The following TYW1 variants were observed in gnomAD, a reference collection of about 807,000 sequenced individuals.
TYW1 encodes the protein tRNA-yW synthesizing protein 1 homolog, also known as S-adenosyl-L-methionine-dependent tRNA 4-demethylwyosine synthase TYW1.
A neutral mutation model predicts 96.2 loss-of-function variants in TYW1; 46 were observed. The observed-to-expected ratio is 0.48, with a 90% CI of 0.38 to 0.61. The LOEUF is 0.61. Ranked by LOEUF, TYW1 falls within the 20% of genes least tolerant of loss-of-function variation. The pLI, the probability that TYW1 is intolerant of heterozygous loss-of-function variation, is 0.00. For missense variants in TYW1, 684 were observed against 909.6 expected, an observed-to-expected ratio of 0.75 and a Z score of 3.19; for synonymous variants, 274 against 323.0, an observed-to-expected ratio of 0.85 and a Z score of 1.63.
At chr7:67,076,162 C>T (rs868265981) in intron 10 of TYW1, among the ~76,000 whole-genome samples, 1 of 152,160 alleles carries the variant, frequency 6.6e-6, no homozygotes, top group Non-Finnish European at 1.5e-5. Flanking sequence ...TTCTAAGTTG[C>T]TAGCCAATTG....
At chr7:67,079,947 A>G (rs1274171183) in intron 10 of TYW1, among the ~76,000 whole-genome samples, 2 of 152,184 alleles carry the variant, frequency 1.3e-5, no homozygotes, top group Non-Finnish European at 2.9e-5. Context: ...ATTGTCCAAA[A>G]ACATACTTGA....
chr7:67,195,740 G>T (rs1321355548), intron 15 of TYW1, among the ~76,000 whole-genome samples: 1 of 151,862 alleles, frequency 6.6e-6, no homozygotes, highest in East Asian at 1.9e-4. Context: ...TAGATTGCTT[G>T]AATCTTGGCA....
chr7:67,024,413 C>G (rs572750781), intron 6 of TYW1, among the ~76,000 whole-genome samples: 1 of 152,220 alleles, frequency 6.6e-6, no homozygotes, highest in South Asian at 2.1e-4. Flanking sequence ...AAAGTCCTCC[C>G]ATCTTGGCCT....
chr7:67,062,396 C>T (rs1050007555), intron 9 of TYW1, among the ~76,000 whole-genome samples: 4 of 149,922 alleles, frequency 2.7e-5, no homozygotes, highest in Non-Finnish European at 4.4e-5. Context: ...GCAACAGAGA[C>T]TCTGTCTTAA....
intron 13 of TYW1, among the ~76,000 whole-genome samples, chr7:67,154,482 G>GT (rs11464645): frequency 0.24 from 34,437 of 144,228 alleles, 4,667 homozygotes; most frequent in African/African-American, 0.35. Context: ...TTGATAAGCA[G>GT]TTTTTTTCTT....
intron 13 of TYW1, among the ~76,000 whole-genome samples, chr7:67,132,623 A>G (rs1255661191): frequency 1.3e-5 from 2 of 152,102 alleles, no homozygotes; most frequent in African/African-American, 2.4e-5. Context: ...TTCATATTAT[A>G]TGCAACTATT....
chr7:67,027,794 G>A (rs779936394), intron 7 of TYW1, among the ~76,000 whole-genome samples: 4 of 151,970 alleles, frequency 2.6e-5, no homozygotes, highest in Non-Finnish European at 4.4e-5. Context: ...GCCAGGTGTG[G>A]TAGTGGATGT....
At chr7:67,036,711 T>A (rs1275414058) in intron 7 of TYW1, among the ~76,000 whole-genome samples, 5 of 152,160 alleles carry the variant, frequency 3.3e-5, no homozygotes, top group Admixed American at 2.0e-4. Context: ...GCAGGAATAG[T>A]TTAGGATTTC....
intron 13 of TYW1, among the ~76,000 whole-genome samples, chr7:67,125,062 A>G (rs1797872531): frequency 6.6e-6 from 1 of 151,914 alleles, no homozygotes; most frequent in African/African-American, 2.4e-5. Context: ...CGAACTCCTG[A>G]CTTCAAGTGA....
intron 12 of TYW1, among the ~76,000 whole-genome samples, chr7:67,104,554 G>A (rs1584566007): frequency 6.6e-6 from 1 of 151,468 alleles, no homozygotes; most frequent in Non-Finnish European, 1.5e-5. Context: ...TGAGATTTGG[G>A]TGGGGACAGA....
At chr7:67,026,738 C>G (rs1436731228) in intron 7 of TYW1, among the ~76,000 whole-genome samples, 1 of 151,500 alleles carries the variant, frequency 6.6e-6, no homozygotes, top group Non-Finnish European at 1.5e-5. Flanking sequence ...GTCAAGACTC[C>G]CACATATTGA....
intron 10 of TYW1, among the ~76,000 whole-genome samples, chr7:67,069,409 T>C (rs2115683350): frequency 6.6e-6 from 1 of 152,286 alleles, no homozygotes; most frequent in African/African-American, 2.4e-5. Context: ...ACATTTGTCT[T>C]TTACATCATC....
At chr7:67,029,409 G>GTATATATA in intron 7 of TYW1, among the ~76,000 whole-genome samples, 4 of 107,140 alleles carry the variant, frequency 3.7e-5, no homozygotes, top group African/African-American at 1.1e-4. Context: ...GTGTGTGTGT[G>GTATATATA]TGTGTGTATA....
intron 13 of TYW1, among the ~76,000 whole-genome samples, chr7:67,158,082 AT>A (rs560215948): frequency 0.011 from 1,119 of 102,138 alleles, 4 homozygotes; most frequent in Non-Finnish European, 0.016. Flanking sequence ...TTTGCTGAGG[AT>A]TTTTTTTTTT....
At chr7:67,128,978 C>T (rs146921382) in intron 13 of TYW1, among the ~76,000 whole-genome samples, 12 of 152,152 alleles carry the variant, frequency 7.9e-5, no homozygotes, top group Admixed American at 2.0e-4. Context: ...TGTGAGCCAC[C>T]GCGCCCAGTC....
At chr7:67,194,991 T>TA (rs966637086) in intron 14 of TYW1, among the ~76,000 whole-genome samples, 179 bp from the exon 15 acceptor site, 14 of 147,422 alleles carry the variant, frequency 9.5e-5, no homozygotes, top group African/African-American at 3.3e-4. Context: ...TCTTTGTCAG[T>TA]AGCTACTTGT....
chr7:67,167,710 G>A (rs1799384460), intron 13 of TYW1, among the ~76,000 whole-genome samples: 3 of 151,354 alleles, frequency 2.0e-5, no homozygotes, highest in African/African-American at 7.3e-5. Context: ...CATAAATTAA[G>A]TATCCTTACA....
In TYW1 at chr7:67,098,551, C is replaced by T. The variant is rs369161904; in HGVS notation, c.1395C>T (p.Gly465=). The change falls in exon 12 of 16, where the codon GGC becomes GGT. Residue 465 remains glycine (G), a synonymous_variant. Coordinates refer to ENST00000359626, the MANE Select transcript of TYW1 (RefSeq NM_018264.4). ...NMIKQFKGVP[G]VKAERFEEGM... is the part of the protein sequence containing the mutation. ...CACTGTATTCTCCAGGAGTACCGGG[C>T]GTCAAAGCAGAACGCTTTGAAGAAG... 1.8e-5 allele frequency: 29 copies of T among 1,582,262 alleles called. No homozygotes were observed. The highest frequency in any genetic ancestry group is 1.1e-4 in the South Asian group (10 of 87,614).
chr7:67,020,547 T>C (rs1701116234), intron 6 of TYW1, among the ~76,000 whole-genome samples: 1 of 152,280 alleles, frequency 6.6e-6, no homozygotes, highest in African/African-American at 2.4e-5. Flanking sequence ...CAAGTAATCT[T>C]AAAAATACAA....
Sources: gnomAD v4.1 joint callset for allele counts (sites outside exome capture counted in the v4.1 genomes callset) on GRCh38, gnomAD v4.1.1 for gene constraint, MANE v1.5 for transcripts, NCBI Gene and HGNC (gene_info 2026-07-23, HGNC 2026-07-21) for gene names.